Variants in CUBN observed in about 807,000 individuals in gnomAD.
CUBN encodes the protein 460 kDa receptor.
A neutral mutation model predicts 405.3 loss-of-function variants in CUBN; 282 were observed. The observed-to-expected ratio is 0.70, with a 90% CI of 0.63 to 0.77. The LOEUF (loss-of-function observed/expected upper bound fraction) is 0.77, where lower values mean the gene tolerates loss of function less well. CUBN is among the 30% of genes least tolerant of loss of function. The pLI is 0.00. For synonymous variants in CUBN, 1,684 were observed against 1,617.0 expected (o/e 1.04, Z -0.99); for missense variants, 4,514 against 4,475.2 (o/e 1.01, Z -0.25).
intron 60 of CUBN, among the ~76,000 whole-genome samples, chr10:16,843,644 A>G (rs1487968741): frequency 3.3e-5 from 5 of 152,168 alleles, no homozygotes; most frequent in East Asian, 3.9e-4. Flanking sequence ...TTATGATCAC[A>G]TTTATATTAG....
intron 28 of CUBN, among the ~76,000 whole-genome samples, chr10:17,008,438 G>GTGTGTGTA (rs1834090995): frequency 7.0e-6 from 1 of 142,632 alleles, no homozygotes; most frequent in Non-Finnish European, 1.5e-5. Flanking sequence ...TCGTGTGTGT[G>GTGTGTGTA]TGTGTGTGTG....
chr10:17,020,162 G>A (rs1834451975), intron 27 of CUBN, among the ~76,000 whole-genome samples, 179 bp from the exon 28 acceptor site: 1 of 152,096 alleles, frequency 6.6e-6, no homozygotes, highest in South Asian at 2.1e-4. Flanking sequence ...TGCATAGAGA[G>A]GGTATTAGAG....
chr10:16,863,882 G>A (rs974792981), intron 59 of CUBN, among the ~76,000 whole-genome samples: 1 of 152,084 alleles, frequency 6.6e-6, no homozygotes, highest in Non-Finnish European at 1.5e-5. Flanking sequence ...TTTTCCAGAT[G>A]TTAAGGTAAC....
chr10:16,871,209 T>C (rs1840343839), intron 58 of CUBN, among the ~76,000 whole-genome samples: 2 of 151,532 alleles, frequency 1.3e-5, no homozygotes, highest in African/African-American at 4.8e-5. Flanking sequence ...TTTAATTACA[T>C]GTATATTTTT....
At chr10:16,882,425 C>A (rs1423258251) in intron 56 of CUBN, among the ~76,000 whole-genome samples, 1 of 152,288 alleles carries the variant, frequency 6.6e-6, no homozygotes, top group East Asian at 1.9e-4. Flanking sequence ...AGGCTCTATA[C>A]CATGCAGTAA....
chr10:17,068,625 T>C lies in CUBN; in HGVS notation c.2771A>G (p.Lys924Arg). The C allele has an allele frequency of 6.2e-7, 1 of 1,613,018 alleles. No individual in the cohort carries two copies. The highest frequency in any genetic ancestry group is 8.5e-7 in the Non-Finnish European group (1 of 1,179,316). Residue 924 changes from lysine (K) to arginine (R), a missense_variant, in exon 20 of 67, where the codon AAG (lysine) becomes AGG (arginine). Transcript: ENST00000377833. The stretch of plus-strand genomic sequence containing the variant: ...CTTACCCAAATCCTCAGCACTGAAC[T>C]TAGCCATGAAACCATGGTTTTCAGT... ...SSTENHGFMA[K>R]FSAEDLACGE...
chr10:16,885,952 C>T (rs986690097), intron 56 of CUBN, among the ~76,000 whole-genome samples: 8 of 152,178 alleles, frequency 5.3e-5, no homozygotes, highest in African/African-American at 1.9e-4. Context: ...GTGGTGACAA[C>T]TCTTAATGTA....
At chr10:17,083,370 T>C (rs1328213413) in intron 17 of CUBN, among the ~76,000 whole-genome samples, 1 of 152,102 alleles carries the variant, frequency 6.6e-6, no homozygotes, top group Non-Finnish European at 1.5e-5. Flanking sequence ...CCGGGCGTGG[T>C]GGCACATGCC....
intron 59 of CUBN, among the ~76,000 whole-genome samples, chr10:16,855,847 C>T (rs1185874063): frequency 1.3e-5 from 2 of 152,170 alleles, no homozygotes; most frequent in East Asian, 3.9e-4. Flanking sequence ...TATCATATTA[C>T]ATGAGTGAAC....
chr10:16,858,034 A>C (rs950777537), intron 59 of CUBN, among the ~76,000 whole-genome samples: 2 of 152,194 alleles, frequency 1.3e-5, no homozygotes, highest in African/African-American at 4.8e-5. Flanking sequence ...TGTGGAGACC[A>C]AAATTAAAAA....
chr10:16,859,271 C>T (rs1458081913), intron 59 of CUBN, among the ~76,000 whole-genome samples: 1 of 151,686 alleles, frequency 6.6e-6, no homozygotes, highest in Middle Eastern at 3.2e-3. Flanking sequence ...CTCTCAAAAC[C>T]CAACAATAGA....
chr10:16,862,844 C>T (rs1840058158), intron 59 of CUBN, among the ~76,000 whole-genome samples: 1 of 152,180 alleles, frequency 6.6e-6, no homozygotes, highest in South Asian at 2.1e-4. Context: ...AGTGCTTCTT[C>T]CCAGCACCTG....
chr10:16,899,440 G>T (rs562055477), intron 53 of CUBN, among the ~76,000 whole-genome samples: 1 of 152,312 alleles, frequency 6.6e-6, no homozygotes, highest in Non-Finnish European at 1.5e-5. Flanking sequence ...GTGCCATAGA[G>T]AGGATAGATT....
chr10:16,958,182 C>T (rs573902348), intron 31 of CUBN, among the ~76,000 whole-genome samples: 300 of 152,274 alleles, frequency 2.0e-3, no homozygotes, highest in Non-Finnish European at 2.3e-3. Context: ...AAGGGGCACA[C>T]CTAGAAGCTT....
intron 48 of CUBN, among the ~76,000 whole-genome samples, chr10:16,908,114 A>C (rs530992125): frequency 6.6e-6 from 1 of 152,266 alleles, no homozygotes; most frequent in African/African-American, 2.4e-5. Flanking sequence ...GTACATAATA[A>C]AGCAGATATT....
At position 17,129,660 on chromosome 10, in the gene CUBN, T is replaced by A; in HGVS notation, c.106A>T (p.Ser36Cys). The change falls in exon 1 of 67, where the codon AGC becomes TGC. Residue 36 changes from serine (S) to cysteine (C), a missense_variant. By Grantham distance (112) the Ser-to-Cys change is moderately radical. Around this residue, in one of 5 missense-constraint regions of CUBN, gnomAD observed 1,448 missense variants for 1,388.0 expected, o/e 1.04. Transcript: ENST00000377833. ...TTTACTTACTGTTGGAGATTGATGC[T>A]TCTTTTTTGTCTCTGCAGCTCAAGT... is the stretch of plus-strand genomic sequence containing the variant. ...GELELQRQKRSINLQQPRMAT... is the reference protein window; with the variant it reads ...GELELQRQKRCINLQQPRMAT... The A allele has an allele frequency of 6.2e-7, 1 of 1,614,202 alleles. No individual in the cohort carries two copies. Among genetic ancestry groups the A allele is most frequent in the African/African-American group, 1.3e-5 (1 of 75,062 alleles).
intron 65 of CUBN, among the ~76,000 whole-genome samples, chr10:16,830,569 C>T (rs937282734): frequency 2.6e-5 from 4 of 152,012 alleles, no homozygotes; most frequent in Admixed American, 1.3e-4. Flanking sequence ...TCAGGGCCTG[C>T]GAGAAGCACA....
intron 2 of CUBN, 129 bp downstream of exon 2, chr10:17,128,992 T>C (rs1837260899): frequency 2.9e-6 from 2 of 695,878 alleles, no homozygotes; most frequent in Admixed American, 2.7e-5. Flanking sequence ...TATAGGAATG[T>C]ATCAAATTAT....
Position 17,103,245 on chromosome 10 carries a change from G to A in CUBN, c.1418-8C>T. ...AGAGGGACTCTCCACAAACTGCAAA[G>A]GAAAAGATGAACTGTGCTTTTCAGA... On this transcript the variant is annotated splice_polypyrimidine_tract_variant and splice_region_variant and intron_variant, in intron 12 of 66. Coordinates refer to ENST00000377833, the MANE Select transcript of CUBN (RefSeq NM_001081.4). The A allele has an allele frequency of 6.5e-7, 1 of 1,549,042 alleles. No homozygotes were observed. Among genetic ancestry groups the A allele is most frequent in the Non-Finnish European group, 8.9e-7 (1 of 1,120,738 alleles).
Sources: allele counts gnomAD v4.1 joint callset (sites outside exome capture counted in the v4.1 genomes callset), GRCh38; gene constraint gnomAD v4.1.1; regional missense constraint gnomAD v4.1.1; transcripts MANE v1.5; gene names NCBI Gene and HGNC (gene_info 2026-07-23, HGNC 2026-07-21).